ALG12: variants seen among roughly 807,000 people sequenced by gnomAD.
ALG12 encodes the protein ALG12 alpha-1,6-mannosyltransferase.
In ALG12, 36 loss-of-function variants were observed where a neutral mutation model predicts 46.0. The observed-to-expected ratio is 0.78, with a 90% CI of 0.60 to 1.03. ALG12 has a LOEUF of 1.03. Ranked by LOEUF, ALG12 falls within the 50% of genes least tolerant of loss-of-function variation. ALG12 has a pLI of 0.00. For missense variants in ALG12, 599 were observed against 633.5 expected, an observed-to-expected ratio of 0.95 and a Z score of 0.58; for synonymous variants, 326 against 291.6, an observed-to-expected ratio of 1.12 and a Z score of -1.20.
At chr22:49,887,353 C>A in the ALG12 span, 1 of 567,932 alleles carries the variant, frequency 1.8e-6, no homozygotes, top group Non-Finnish European at 3.0e-6. Flanking sequence ...TCCTTCAGGC[C>A]AAGTTTCGCG....
chr22:49,893,875 G>C, the ALG12 span, among the ~76,000 whole-genome samples: 3 of 152,184 alleles, frequency 2.0e-5, no homozygotes, highest in Admixed American at 1.3e-4. Context: ...ATTTCAAGTA[G>C]ATTCTGGGCC....
the ALG12 span, among the ~76,000 whole-genome samples, chr22:49,869,913 G>T: frequency 1.3e-5 from 2 of 152,190 alleles, no homozygotes; most frequent in Non-Finnish European, 2.9e-5. Context: ...TCGTCGCCCA[G>T]ATCGTGAGCA....
chr22:49,860,795 T>G, the ALG12 span, among the ~76,000 whole-genome samples: 1 of 151,888 alleles, frequency 6.6e-6, no homozygotes, highest in Non-Finnish European at 1.5e-5. Context: ...TTTTTTTTTT[T>G]TGAGACAGAG....
At chr22:49,886,518 C>T in the ALG12 span, 1 of 1,568,580 alleles carries the variant, frequency 6.4e-7, no homozygotes, top group Non-Finnish European at 8.6e-7. The surrounding 1 kb of genome is among the most constrained non-coding windows in gnomAD (Gnocchi z 7.7). Flanking sequence ...CGCAGATGTC[C>T]ACCCTCAGCC....
downstream of ALG12, among the ~76,000 whole-genome samples, chr22:49,897,891 C>A (rs1425622287): frequency 6.6e-6 from 1 of 151,928 alleles, no homozygotes; most frequent in Non-Finnish European, 1.5e-5. Context: ...AACCTCCTGA[C>A]CTCGTGATCT....
chr22:49,896,539 C>T (rs1349754491), downstream of ALG12, among the ~76,000 whole-genome samples: 2 of 152,266 alleles, frequency 1.3e-5, no homozygotes, highest in East Asian at 3.8e-4. Context: ...CTCTCTGCCA[C>T]AGCACCCTCA....
the ALG12 span, among the ~76,000 whole-genome samples, chr22:49,879,471 C>G: frequency 4.0e-5 from 6 of 151,864 alleles, no homozygotes; most frequent in East Asian, 2.0e-4. Flanking sequence ...GCCATGTTGC[C>G]CAGGCACACA....
rs139916198 is a variant in ALG12 at position 49,910,024 on chromosome 22, G to A, written c.534C>T (p.Phe178=). ...EWARFIWLSA[F]AIIVFRVELC... The stretch of plus-strand genomic sequence containing the variant: ...GCTCCACCCTGAACACGATGATGGC[G>A]AAGGCTGACAGCCAGATGAAGCGGG... The change falls in exon 5 of 10, where the codon TTC becomes TTT. Residue 178 remains phenylalanine (F), a synonymous_variant. Coordinates refer to ENST00000330817, the MANE Select transcript of ALG12 (RefSeq NM_024105.4). 1.1e-5 allele frequency: 18 copies of A among 1,613,636 alleles called. No individual in the cohort carries two copies. Among genetic ancestry groups the A allele is most frequent in the Middle Eastern group, 1.6e-4 (1 of 6,062 alleles).
At position 49,903,823 on chromosome 22, in the gene ALG12, G is replaced by A; in HGVS notation, c.*15C>T. The A allele has an allele frequency of 6.2e-7, 1 of 1,613,748 alleles. No individual in the cohort carries two copies. The highest frequency in any genetic ancestry group is 8.5e-7 in the Non-Finnish European group (1 of 1,179,656). ...CCTGGAAGGCCTGTGGCTGCTGAGG[G>A]CTGCCTGGTCCCCCTCAGGACGGCC... On this transcript the variant is annotated 3_prime_UTR_variant, in exon 10 of 10. Transcript: ENST00000330817.
At chr22:49,904,762 CAG>C (rs1416595609) in intron 7 of ALG12, among the ~76,000 whole-genome samples, 3 of 152,096 alleles carry the variant, frequency 2.0e-5, no homozygotes, top group African/African-American at 7.2e-5. Flanking sequence ...ATTTTTGAGA[CAG>C]AGTCTCGCTG....
At chr22:49,889,790 C>T in the ALG12 span, 1 of 167,116 alleles carries the variant, frequency 6.0e-6, no homozygotes, top group African/African-American at 2.4e-5. Context: ...AATGAGGGGA[C>T]TGTGGGTGCA....
rs1177594176 is a variant in ALG12 at position 49,903,833 on chromosome 22, C to T, written c.*5G>A. On this transcript the variant is annotated 3_prime_UTR_variant, in exon 10 of 10. Coordinates refer to ENST00000330817, the MANE Select transcript of ALG12 (RefSeq NM_024105.4). ...CTGTGGCTGCTGAGGGCTGCCTGGT[C>T]CCCCTCAGGACGGCCGGGGGAGCCT... The T allele has an allele frequency of 6.2e-7, 1 of 1,614,046 alleles. No individual in the cohort carries two copies. The highest frequency in any genetic ancestry group is 2.2e-5 in the East Asian group (1 of 44,868).
the ALG12 span, among the ~76,000 whole-genome samples, chr22:49,874,698 T>TTTTTTTG: frequency 7.0e-6 from 1 of 142,292 alleles, no homozygotes; most frequent in African/African-American, 2.6e-5. Context: ...TTTTTTTTTT[T>TTTTTTTG]GAGACGGAGT....
At chr22:49,887,324 C>G in the ALG12 span, 2 of 825,724 alleles carry the variant, frequency 2.4e-6, no homozygotes, top group Non-Finnish European at 3.7e-6. Flanking sequence ...CACAGTGTCT[C>G]CACGTGCCTT....
In ALG12 at chr22:49,913,647, T is replaced by G; in HGVS notation, c.119A>C (p.Gln40Pro). ...YTKVEESFNL[Q>P]ATHDLLYHWQ... is the part of the protein sequence containing the mutation. ...GTGGTAGAGCAGGTCATGTGTGGCC[T>G]GCAGGTTGAAGCTCTCCTCCACTTT... The change falls in exon 2 of 10, where the codon CAG becomes CCG. Residue 40 changes from glutamine (Q) to proline (P), a missense_variant. Coordinates refer to ENST00000330817, the MANE Select transcript of ALG12 (RefSeq NM_024105.4). 1.2e-6 allele frequency: 2 copies of G among 1,614,122 alleles called. No homozygotes were observed. Among genetic ancestry groups the G allele is most frequent in the Non-Finnish European group, 1.7e-6 (2 of 1,180,026 alleles).
intron 1 of ALG12, chr22:49,918,060 G>C (rs895349466): frequency 3.0e-5 from 3 of 100,604 alleles, no homozygotes; most frequent in South Asian, 3.5e-4. Flanking sequence ...CCAGGTGACA[G>C]GTCCAGCCCC....
the ALG12 span, among the ~76,000 whole-genome samples, chr22:49,863,766 C>CT: frequency 6.6e-6 from 1 of 152,126 alleles, no homozygotes; most frequent in Non-Finnish European, 1.5e-5. Flanking sequence ...ATGCCTGATT[C>CT]TTTTTTTAAA....
chr22:49,908,347 G>A (rs1239877845), intron 6 of ALG12, among the ~76,000 whole-genome samples: 2 of 128,872 alleles, frequency 1.6e-5, no homozygotes, highest in African/African-American at 2.5e-5. Flanking sequence ...GGCCAACATG[G>A]TGAAACCCTG....
chr22:49,863,498 G>A, the ALG12 span, among the ~76,000 whole-genome samples: 7 of 152,274 alleles, frequency 4.6e-5, no homozygotes, highest in African/African-American at 1.4e-4. Flanking sequence ...GTGGTGGCGA[G>A]TGCCTGTAAT....
Sources: gnomAD v4.1 joint callset for allele counts (sites outside exome capture counted in the v4.1 genomes callset) on GRCh38, gnomAD v4.1.1 for gene constraint, Gnocchi (gnomAD v3.1) non-coding constraint, MANE v1.5 for transcripts, NCBI Gene and HGNC (gene_info 2026-07-23, HGNC 2026-07-21) for gene names.